Variants in TAF4B observed in about 807,000 individuals in gnomAD.
TAF4B encodes the protein transcription initiation factor TFIID subunit 4B.
Under a neutral mutation model 86.4 loss-of-function variants are expected in TAF4B, and 38 were observed. That is an observed-to-expected ratio of 0.44 (90% CI 0.34 to 0.58). TAF4B has a LOEUF of 0.58. TAF4B is among the 20% of genes least tolerant of loss of function. The pLI is 0.02. For synonymous variants in TAF4B, 388 were observed against 391.2 expected (o/e 0.99, Z 0.10); for missense variants, 988 against 1,027.6 (o/e 0.96, Z 0.53).
chr18:26,263,501 C>G (rs1296304866), intron 1 of TAF4B, among the ~76,000 whole-genome samples: 1 of 152,134 alleles, frequency 6.6e-6, no homozygotes, highest in African/African-American at 2.4e-5. Flanking sequence ...TCCTTGGCCT[C>G]TGTGTTTCTT....
At chr18:26,229,031 G>A (rs1598697969) in intron 1 of TAF4B, among the ~76,000 whole-genome samples, 1 of 151,866 alleles carries the variant, frequency 6.6e-6, no homozygotes, top group South Asian at 2.1e-4. Context: ...TTTCCACAAC[G>A]CTATGCTTAT....
intron 3 of TAF4B, 55 bp from the exon 4 acceptor site, chr18:26,274,608 C>T: frequency 6.3e-7 from 1 of 1,588,860 alleles, no homozygotes. Flanking sequence ...AAATGAGGCA[C>T]CCACTAATGT....
At chr18:26,345,744 G>C (rs1283823793) in intron 13 of TAF4B, among the ~76,000 whole-genome samples, 1 of 152,166 alleles carries the variant, frequency 6.6e-6, no homozygotes, top group Non-Finnish European at 1.5e-5. Flanking sequence ...ATGGAAATCA[G>C]TGTAGGGATA....
At chr18:26,352,432 A>C (rs761796029) in intron 13 of TAF4B, among the ~76,000 whole-genome samples, 25 of 151,842 alleles carry the variant, frequency 1.6e-4, no homozygotes, top group Admixed American at 3.3e-4. Context: ...AGAAGGAAGC[A>C]CATATCTTTG....
intron 14 of TAF4B, among the ~76,000 whole-genome samples, chr18:26,383,213 A>C (rs1426560706): frequency 2.0e-5 from 3 of 152,206 alleles, no homozygotes; most frequent in African/African-American, 7.2e-5. Flanking sequence ...CCACTGGAGC[A>C]TTTCAAGCAA....
chr18:26,256,371 CAA>C (rs948431937), intron 1 of TAF4B: 17 of 1,386,824 alleles, frequency 1.2e-5, no homozygotes, highest in Non-Finnish European at 1.7e-5. Context: ...TTCTTCTGGG[CAA>C]AAGTCTTCCA....
chr18:26,263,087 A>G (rs1344316517), intron 1 of TAF4B, among the ~76,000 whole-genome samples: 1 of 152,132 alleles, frequency 6.6e-6, no homozygotes. Flanking sequence ...AGTAGCTCGG[A>G]CTACAGGCAC....
chr18:26,344,910 G>C (rs1300903478), intron 13 of TAF4B, among the ~76,000 whole-genome samples: 1 of 152,120 alleles, frequency 6.6e-6, no homozygotes. Context: ...TTCCCCACCT[G>C]GACTGAATCT....
At chr18:26,339,041 A>T (rs79043428) in intron 13 of TAF4B, among the ~76,000 whole-genome samples, 2,376 of 152,290 alleles carry the variant, frequency 0.016, 37 homozygotes, top group Non-Finnish European at 0.025. Flanking sequence ...TTAACCTGAC[A>T]GGTTTTCTGT....
intron 8 of TAF4B, 46 bp downstream of exon 8, chr18:26,292,427 G>T: frequency 1.3e-6 from 2 of 1,566,178 alleles, no homozygotes; most frequent in Non-Finnish European, 1.7e-6. Context: ...GTTAGAACAT[G>T]AAGGGGTTTT....
chr18:26,284,617 C>T (rs182436876), intron 6 of TAF4B, among the ~76,000 whole-genome samples: 2 of 152,312 alleles, frequency 1.3e-5, no homozygotes, highest in East Asian at 3.9e-4. Context: ...GTGGCTCACG[C>T]GTGTAATCCC....
At position 26,229,964 on chromosome 18, in the gene TAF4B, A is replaced by AAAATAT. The variant is rs1555669580; in HGVS notation, c.343+2689_343+2690insAATATA. Among the ~76,000 whole-genome samples the AAAATAT allele has an allele frequency of 4.9e-3, 726 of 149,552 alleles. 4 individuals carry two copies. The highest frequency in any genetic ancestry group is 0.017 in the African/African-American group (681 of 40,074). ...ATGAACAGAACTGGTTTAAAAAAAA[A>AAAATAT]ATATATATATATATACACACACACA... On this transcript the variant is annotated intron_variant, in intron 1 of 14. Coordinates refer to ENST00000269142, the MANE Select transcript of TAF4B (RefSeq NM_005640.3).
intron 1 of TAF4B, among the ~76,000 whole-genome samples, chr18:26,232,620 C>G (rs2055689918): frequency 6.6e-6 from 1 of 152,162 alleles, no homozygotes; most frequent in African/African-American, 2.4e-5. Flanking sequence ...ATTTCAGAAG[C>G]CTTTTCCTAT....
At chr18:26,373,019 G>A (rs1567927943) in intron 14 of TAF4B, among the ~76,000 whole-genome samples, 1 of 151,604 alleles carries the variant, frequency 6.6e-6, no homozygotes, top group African/African-American at 2.4e-5. Context: ...TTGCATACCA[G>A]AAGGTGAGCA....
intron 9 of TAF4B, among the ~76,000 whole-genome samples, chr18:26,296,291 C>G (rs958121462): frequency 6.6e-6 from 1 of 152,090 alleles, no homozygotes; most frequent in Admixed American, 6.6e-5. Flanking sequence ...TTATTCCTTC[C>G]AAGAATCTGC....
chr18:26,363,874 T>A (rs996100515), intron 14 of TAF4B, among the ~76,000 whole-genome samples: 1 of 152,166 alleles, frequency 6.6e-6, no homozygotes, highest in East Asian at 1.9e-4. Context: ...GGGTAACTCT[T>A]TAGTTTGAAT....
At chr18:26,381,285 G>A (rs1279927021) in intron 14 of TAF4B, among the ~76,000 whole-genome samples, 4 of 151,854 alleles carry the variant, frequency 2.6e-5, no homozygotes, top group Middle Eastern at 3.4e-3. Flanking sequence ...AAAGTGCTGG[G>A]GTAACAGGCG....
At chr18:26,256,198 T>G in intron 1 of TAF4B, 1 of 1,610,402 alleles carries the variant, frequency 6.2e-7, no homozygotes, top group Non-Finnish European at 8.5e-7. Context: ...ACACAGGCAT[T>G]GCAGATGTCT....
chr18:26,274,902 T>C (rs1422649857), intron 4 of TAF4B, 29 bp from the exon 5 acceptor site: 1 of 1,612,256 alleles, frequency 6.2e-7, no homozygotes, highest in Admixed American at 1.7e-5. Flanking sequence ...AACACTTGTG[T>C]TTGCTTATAT....
Sources: allele counts gnomAD v4.1 joint callset (sites outside exome capture counted in the v4.1 genomes callset), GRCh38; gene constraint gnomAD v4.1.1; transcripts MANE v1.5; gene names NCBI Gene and HGNC (gene_info 2026-07-23, HGNC 2026-07-21).